ZNF600: variants seen among roughly 807,000 people sequenced by gnomAD.
The protein encoded by ZNF600 is zinc finger protein 600, also known as zinc finger protein KR-ZNF1.
In ZNF600, 4 loss-of-function variants were observed where a neutral mutation model predicts 7.3. The ratio of observed to expected loss-of-function variants is 0.55; its 90% confidence interval spans 0.27 to 1.25. The LOEUF (loss-of-function observed/expected upper bound fraction) is 1.25, where lower values mean the gene tolerates loss of function less well. ZNF600 is among the 50% of genes most tolerant of loss of function. The pLI, the probability that ZNF600 is intolerant of heterozygous loss-of-function variation, is 0.12. For missense variants in ZNF600, 911 were observed against 922.1 expected (o/e 0.99, Z 0.16); for synonymous variants, 290 against 308.9 (o/e 0.94, Z 0.64).
At chr19:52,831,229 A>C in the ZNF600 span, among the ~76,000 whole-genome samples, 3 of 152,116 alleles carry the variant, frequency 2.0e-5, no homozygotes, top group East Asian at 1.9e-4. Flanking sequence ...GTAGGTAGAG[A>C]TGTGTCTGTG....
the ZNF600 span, among the ~76,000 whole-genome samples, chr19:52,826,301 C>T: frequency 0.014 from 2,096 of 152,190 alleles, 51 homozygotes; most frequent in African/African-American, 0.047. Flanking sequence ...CTGGGAATTG[C>T]GGCAAATGCT....
At chr19:52,812,416 T>C in the ZNF600 span, among the ~76,000 whole-genome samples, 3 of 132,548 alleles carry the variant, frequency 2.3e-5, no homozygotes, top group Admixed American at 1.5e-4. Flanking sequence ...TTTTGTTCTG[T>C]ACTAAGAAAA....
the ZNF600 span, among the ~76,000 whole-genome samples, chr19:52,829,649 C>T: frequency 2.6e-5 from 4 of 152,110 alleles, no homozygotes; most frequent in Non-Finnish European, 4.4e-5. Flanking sequence ...ACTGGGATTA[C>T]AGGCTTGAGC....
intron 2 of ZNF600, among the ~76,000 whole-genome samples, chr19:52,775,573 A>ACAAACAAT (rs1184315551): frequency 6.6e-6 from 1 of 152,008 alleles, no homozygotes; most frequent in Non-Finnish European, 1.5e-5. Context: ...AAACAAACAA[A>ACAAACAAT]CACAGGGTTT....
chr19:52,766,226 C>A lies in ZNF600; in HGVS notation c.1737G>T (p.Arg579Ser), dbSNP rs150791702. The change falls in exon 4 of 4, where the codon AGG (arginine) becomes AGT (serine). Residue 579 changes from arginine to serine, a missense_variant. Transcript: ENST00000648973. ...CTCTGCGATGGCTTGCAAGGTATGA[C>A]CTCAGACGGAAGGTCTTGCTGCACT... 8 of 1,613,326 alleles carry A rather than the reference C, an allele frequency of 5.0e-6. No individual in the cohort carries two copies. The African/African-American group carries it at 1.1e-4, about 22-fold the overall frequency.
At chr19:52,810,779 CCA>C in the ZNF600 span, 25 of 393,502 alleles carry the variant, frequency 6.4e-5, no homozygotes, top group Admixed American at 4.9e-4. Context: ...AAAAAAAAAC[CCA>C]AAAAAAACAG....
At chr19:52,801,262 T>C in the ZNF600 span, 10 of 1,614,054 alleles carry the variant, frequency 6.2e-6, no homozygotes, top group Admixed American at 1.7e-5. Context: ...TGGAGGGAAT[T>C]ATTTCCATAC....
the ZNF600 span, among the ~76,000 whole-genome samples, chr19:52,815,833 T>A: frequency 2.1e-5 from 3 of 146,320 alleles, no homozygotes; most frequent in South Asian, 6.8e-4. Context: ...TCAAAAAAAA[T>A]AAATAACTAT....
chr19:52,817,110 C>A, the ZNF600 span, among the ~76,000 whole-genome samples: 5,882 of 151,900 alleles, frequency 0.039, 133 homozygotes, highest in Middle Eastern at 0.068. Flanking sequence ...CGGTGGCTCA[C>A]GCTTGTAATC....
At chr19:52,779,416 C>T (rs2062702760) in intron 1 of ZNF600, among the ~76,000 whole-genome samples, 1 of 152,208 alleles carries the variant, frequency 6.6e-6, no homozygotes, top group South Asian at 2.1e-4. Context: ...TAATGTGAAG[C>T]CAGGGTTGAG....
At chr19:52,786,635 G>A (rs1268798465) in exon 1 of ZNF600, 6 of 195,878 alleles carry the variant, frequency 3.1e-5, no homozygotes, top group Non-Finnish European at 7.0e-5. Flanking sequence ...GAAGACAGGC[G>A]AGAATTTCCA....
chr19:52,778,679 G>C (rs1161231209), intron 2 of ZNF600, 147 bp downstream of exon 4: 6 of 1,104,138 alleles, frequency 5.4e-6, no homozygotes, highest in Non-Finnish European at 6.3e-6. Context: ...TCTCGGAGCA[G>C]CTGAGAGGAA....
the ZNF600 span, among the ~76,000 whole-genome samples, chr19:52,821,216 G>A: frequency 4.6e-5 from 7 of 152,134 alleles, no homozygotes; most frequent in East Asian, 7.7e-4. Flanking sequence ...GACTGGGGTC[G>A]CCGCGCTGTG....
the ZNF600 span, among the ~76,000 whole-genome samples, chr19:52,804,161 A>G: frequency 5.3e-5 from 8 of 152,184 alleles, no homozygotes; most frequent in Non-Finnish European, 8.8e-5. Context: ...CACAGCAGGA[A>G]TATGGCTGGT....
At chr19:52,784,457 AT>A (rs960160799) in intron 1 of ZNF600, among the ~76,000 whole-genome samples, 9 of 151,998 alleles carry the variant, frequency 5.9e-5, no homozygotes, top group Middle Eastern at 3.4e-3. Context: ...AGAGAAAGTG[AT>A]TTTTTTTCCC....
the ZNF600 span, among the ~76,000 whole-genome samples, chr19:52,813,460 G>T: frequency 8.3e-6 from 1 of 120,846 alleles, no homozygotes; most frequent in Non-Finnish European, 1.6e-5. Flanking sequence ...CGTAGGGGCT[G>T]CTCCAGGGTA....
intron 1 of ZNF600, among the ~76,000 whole-genome samples, chr19:52,780,002 G>C (rs927301801): frequency 7.2e-5 from 11 of 152,074 alleles, no homozygotes; most frequent in African/African-American, 2.7e-4. Context: ...GGTGACAAAA[G>C]GAGACTTCAT....
At chr19:52,775,976 A>T (rs990378260) in intron 2 of ZNF600, among the ~76,000 whole-genome samples, 1 of 151,806 alleles carries the variant, frequency 6.6e-6, no homozygotes, top group Non-Finnish European at 1.5e-5. Context: ...ACTGTACTTC[A>T]GCCTGGGTGA....
chr19:52,809,006 T>C, the ZNF600 span, among the ~76,000 whole-genome samples: 1 of 152,142 alleles, frequency 6.6e-6, no homozygotes, highest in Non-Finnish European at 1.5e-5. Context: ...ATATATGTAT[T>C]TGTATGTATA....
Sources: gnomAD v4.1 joint callset for allele counts (sites outside exome capture counted in the v4.1 genomes callset) on GRCh38, gnomAD v4.1.1 for gene constraint, MANE v1.5 for transcripts, NCBI Gene and HGNC (gene_info 2026-07-23, HGNC 2026-07-21) for gene names.